CHD9: variants seen among roughly 807,000 people sequenced by gnomAD.
The protein encoded by CHD9 is chromodomain helicase DNA binding protein 9.
Under a neutral mutation model 316.1 loss-of-function variants are expected in CHD9, and 77 were observed. The ratio of observed to expected loss-of-function variants is 0.24; its 90% CI spans 0.20 to 0.29. CHD9 has a LOEUF of 0.29. Among genes scored for constraint, CHD9 ranks in the 10% least tolerant of loss-of-function variants. The pLI is 1.00. For missense variants in CHD9, 2,763 were observed against 3,438.1 expected, an observed-to-expected ratio of 0.80 and a Z score of 4.91; for synonymous variants, 1,129 against 1,158.3, an observed-to-expected ratio of 0.97 and a Z score of 0.51.
At chr16:53,067,763 G>C (rs890725477) in intron 1 of CHD9, among the ~76,000 whole-genome samples, 1 of 152,146 alleles carries the variant, frequency 6.6e-6, no homozygotes, top group African/African-American at 2.4e-5. Flanking sequence ...GCGTTTGTCA[G>C]GTTTCTCCAC....
chr16:53,279,366 G>C (rs879349983), intron 24 of CHD9, among the ~76,000 whole-genome samples: 3 of 152,062 alleles, frequency 2.0e-5, no homozygotes, highest in Admixed American at 6.6e-5. Flanking sequence ...GTCGTGGGGT[G>C]GGGGGTAAGG....
chr16:53,201,333 G>A (rs1300976298), intron 2 of CHD9, among the ~76,000 whole-genome samples: 1 of 152,162 alleles, frequency 6.6e-6, no homozygotes, highest in Non-Finnish European at 1.5e-5. Context: ...TTTAGATCAT[G>A]TATGACCTTT....
At position 53,104,139 on chromosome 16, in the gene CHD9, C is replaced by A. The variant is rs139386337; in HGVS notation, c.-165+49062C>A. ...TCTAAGCTTTGACTGCATTTAACTC[C>A]TTTCCTAAATGTTTGGAGGAAAAGG... On this transcript the variant is annotated intron_variant, in intron 1 of 38. Coordinates refer to ENST00000447540, the MANE Select transcript of CHD9 (RefSeq NM_001308319.2). Among the ~76,000 whole-genome samples the A allele has an allele frequency of 2.9e-3, 442 of 152,340 alleles. 2 individuals are homozygous for A. The highest frequency in any genetic ancestry group is 0.01 in the African/African-American group (427 of 41,576).
intron 11 of CHD9, 34 bp from the exon 12 acceptor site, chr16:53,238,309 A>C: frequency 6.4e-6 from 10 of 1,551,046 alleles, no homozygotes; most frequent in Non-Finnish European, 8.7e-6. Flanking sequence ...AAAAAACCCA[A>C]TGTATGCATG....
rs1567625754 is a variant in CHD9, at chr16:53,287,872, T to C, written c.5190-85T>C. 8 of 1,134,592 alleles carry C rather than the reference T, an allele frequency of 7.1e-6. No individual in the cohort carries two copies. The East Asian group carries it at 1.9e-4, about 27-fold the overall frequency. The allele number at this position is 1,134,592 out of a possible 1,614,324, so 70.3% of individuals were successfully genotyped here. A position where few individuals can be genotyped will look rare whatever the true frequency, so the allele number is the denominator to read the frequency against. ...CGTCAGTCTGACTTTTAAAACAAAC[T>C]AAAACCCTCCAACAAGACTTTGTCC... On this transcript the variant is annotated intron_variant, in intron 26 of 38. Coordinates refer to ENST00000447540, the MANE Select transcript of CHD9 (RefSeq NM_001308319.2).
intron 3 of CHD9, among the ~76,000 whole-genome samples, chr16:53,213,437 G>T (rs2046487346): frequency 6.6e-6 from 1 of 152,196 alleles, no homozygotes; most frequent in Non-Finnish European, 1.5e-5. Flanking sequence ...GATGCTCCAT[G>T]AATGGAATGG....
intron 12 of CHD9, among the ~76,000 whole-genome samples, chr16:53,240,119 T>C (rs1300078769): frequency 6.6e-6 from 1 of 152,112 alleles, no homozygotes; most frequent in South Asian, 2.1e-4. Context: ...CTCAATTTGT[T>C]GCCCAGGCTG....
In CHD9 at chr16:53,304,638, A is replaced by T; in HGVS notation, c.6619+13A>T. On this transcript the variant is annotated intron_variant, in intron 31 of 38. Transcript: ENST00000447540. Reference sequence around the variant, plus strand: ...GCCCAAAAACGAGGTACTATGCATAAAATAATTCTACTTTTTTAACATAAC... The same window carrying T: ...GCCCAAAAACGAGGTACTATGCATATAATAATTCTACTTTTTTAACATAAC... 1 of 1,489,554 alleles carries T rather than the reference A, an allele frequency of 6.7e-7. No homozygotes were observed. The highest frequency in any genetic ancestry group is 8.9e-7 in the Non-Finnish European group (1 of 1,121,840). 92.3% of individuals were successfully genotyped at this position (1,489,554 alleles called of 1,614,324 possible). A position where few individuals can be genotyped will look rare whatever the true frequency, so the allele number is the denominator to read the frequency against.
intron 1 of CHD9, among the ~76,000 whole-genome samples, chr16:53,069,038 T>C (rs2033773958): frequency 6.6e-6 from 1 of 152,028 alleles, no homozygotes; most frequent in Admixed American, 6.5e-5. Flanking sequence ...AGGGTCTTGC[T>C]CTACTGCCCA....
intron 1 of CHD9, among the ~76,000 whole-genome samples, chr16:53,127,654 C>T (rs568399575): frequency 1.6e-4 from 24 of 152,254 alleles, no homozygotes; most frequent in African/African-American, 5.8e-4. Context: ...GGCACAGTGG[C>T]TCACACCTGT....
chr16:53,290,243 C>T (rs944251505), intron 27 of CHD9, among the ~76,000 whole-genome samples: 4 of 152,090 alleles, frequency 2.6e-5, no homozygotes, highest in African/African-American at 9.7e-5. Flanking sequence ...CACTGCACTC[C>T]TGGGTGATAG....
Position 53,249,914 on chromosome 16 carries a change from C to T in CHD9, c.3709C>T (p.Arg1237Trp). The T allele has an allele frequency of 1.2e-6, 2 of 1,613,700 alleles. No homozygotes were observed. Among genetic ancestry groups the T allele is most frequent in the Non-Finnish European group, 1.7e-6 (2 of 1,179,716 alleles). The change falls in exon 17 of 39, where the codon CGG (arginine) becomes TGG (tryptophan). Residue 1237 changes from arginine to tryptophan, a missense_variant. By Grantham distance (101) the Arg-to-Trp change is moderately radical (BLOSUM62 -3). Transcript: ENST00000447540. ...RIDGRVRGNL[R>W]QAAIDRFSKP... ...TGATGGCAGAGTCAGAGGAAATCTT[C>T]GGCAAGCTGCTATAGATAGATTTAG...
Position 53,222,741 on chromosome 16 carries a change from G to A in CHD9, c.1882G>A (p.Asp628Asn). Residue 628 changes from aspartate to asparagine, a missense_variant, in exon 4 of 39, where the codon GAT (aspartate) becomes AAT (asparagine). Physicochemically the swap from Asp to Asn is conservative, Grantham distance 23. Coordinates refer to ENST00000447540, the MANE Select transcript of CHD9 (RefSeq NM_001308319.2). ...ACAGATGCCACAGCATACATTAAAA[G>A]ATCAAGACTCTCAAGTGAGTATTAC... Reference protein sequence around the residue: ...AEQMPQHTLKDQDSQKRRSNR... With the variant: ...AEQMPQHTLKNQDSQKRRSNR... The A allele has an allele frequency of 6.6e-7, 1 of 1,513,372 alleles. No individual in the cohort carries two copies. The highest frequency in any genetic ancestry group is 9.0e-7 in the Non-Finnish European group (1 of 1,105,422). The allele number at this position is 1,513,372 out of a possible 1,614,324, so 93.7% of individuals were successfully genotyped here.
In CHD9 at chr16:53,309,162, G is replaced by A. The variant is rs539351253; in HGVS notation, c.7222+308G>A. On this transcript the variant is annotated intron_variant, in intron 34 of 38. Transcript: ENST00000447540. Reference sequence around the variant, plus strand: ...CAGTATCACAAATTAATGGTGATTGGTAGAAGAAATTAAAAAGAGAAGTTT... The same window carrying A: ...CAGTATCACAAATTAATGGTGATTGATAGAAGAAATTAAAAAGAGAAGTTT... Among the ~76,000 whole-genome samples the A allele has an allele frequency of 1.1e-4, 16 of 152,288 alleles. No homozygotes were observed. In the South Asian group the frequency reaches 3.3e-3, roughly 32 times the overall value.
chr16:53,082,298 C>T (rs944890432), intron 1 of CHD9, among the ~76,000 whole-genome samples: 38 of 151,730 alleles, frequency 2.5e-4, no homozygotes, highest in Non-Finnish European at 4.1e-4. Flanking sequence ...AGTGCAGTGG[C>T]GTGATCTTGG....
Position 53,267,285 on chromosome 16 carries a change from G to A in CHD9, c.4321-9G>A, listed in dbSNP as rs748039782. 106 of 1,586,346 alleles carry A rather than the reference G, an allele frequency of 6.7e-5. No individual in the cohort carries two copies. The Admixed American group carries it at 1.9e-3, about 28-fold the overall frequency. ...AGTACCTTCAGGTAATAGCAGTTCT[G>A]TTTTACAGAACAGCTTGGTTATTGA... On this transcript the variant is annotated splice_polypyrimidine_tract_variant and intron_variant, in intron 20 of 38. Coordinates refer to ENST00000447540, the MANE Select transcript of CHD9 (RefSeq NM_001308319.2).
intron 1 of CHD9, among the ~76,000 whole-genome samples, chr16:53,077,767 TC>T (rs1567311484): frequency 6.6e-6 from 1 of 152,234 alleles, no homozygotes; most frequent in Non-Finnish European, 1.5e-5. Flanking sequence ...ATCTACTTCT[TC>T]GGCAATTTTG....
Position 53,293,018 on chromosome 16 carries a change from C to A in CHD9, c.5476C>A (p.Pro1826Thr), listed in dbSNP as rs756463231. 6.2e-7 allele frequency: 1 copy of A among 1,613,490 alleles called. No homozygotes were observed. The highest frequency in any genetic ancestry group is 2.2e-5 in the East Asian group (1 of 44,858). The change falls in exon 29 of 39, where the codon CCT becomes ACT. Residue 1826 changes from proline to threonine, a missense_variant. Transcript: ENST00000447540. ...QPIYEEATLN[P>T]KMAAKIERQQ... ...TATTTATGAGGAAGCCACTCTTAAT[C>A]CTAAAATGGCAGCCAAGATAGAAAG... is the stretch of plus-strand genomic sequence containing the variant.
chr16:53,146,688 A>G (rs1305743240), intron 1 of CHD9, among the ~76,000 whole-genome samples: 2 of 151,036 alleles, frequency 1.3e-5, no homozygotes, highest in South Asian at 2.1e-4. Context: ...AATCCCAGCT[A>G]CTTGGGAGGC....
Sources: gnomAD v4.1 joint callset for allele counts (sites outside exome capture counted in the v4.1 genomes callset) on GRCh38, gnomAD v4.1.1 for gene constraint, MANE v1.5 for transcripts, NCBI Gene and HGNC (gene_info 2026-07-23, HGNC 2026-07-21) for gene names.